The following PHLPP1 variants were observed in gnomAD, a reference collection of about 807,000 sequenced individuals.
PHLPP1 encodes PH domain leucine-rich repeat-containing protein phosphatase 1.
In PHLPP1, 42 loss-of-function variants were observed where a neutral mutation model predicts 117.2. The ratio of observed to expected loss-of-function variants is 0.36; its 90% CI spans 0.28 to 0.46. The LOEUF (loss-of-function observed/expected upper bound fraction) is 0.46. PHLPP1 is among the 20% of genes least tolerant of loss of function. The pLI is 1.00. For missense variants in PHLPP1, 2,084 were observed against 2,241.9 expected, an observed-to-expected ratio of 0.93 and a Z score of 1.42; for synonymous variants, 1,042 against 970.7, an observed-to-expected ratio of 1.07 and a Z score of -1.37.
intron 1 of PHLPP1, 54 bp downstream of exon 1, chr18:62,717,313 G>T: frequency 7.9e-6 from 12 of 1,519,586 alleles, no homozygotes; most frequent in Non-Finnish European, 1.1e-5. Context: ...GAGGACCGAG[G>T]AGTGATTCAA....
chr18:62,896,836 A>G (rs765157392), intron 6 of PHLPP1, among the ~76,000 whole-genome samples: 26 of 152,148 alleles, frequency 1.7e-4, no homozygotes, highest in Non-Finnish European at 3.2e-4. Flanking sequence ...CCAGTCCCAT[A>G]AAGAATTGCT....
At chr18:62,862,864 T>C (rs1915666545) in intron 4 of PHLPP1, among the ~76,000 whole-genome samples, 1 of 152,202 alleles carries the variant, frequency 6.6e-6, no homozygotes, top group Admixed American at 6.5e-5. Flanking sequence ...TTAAAGAATA[T>C]TTTTACTGTT....
Position 62,716,139 on chromosome 18 carries a change from C to T in PHLPP1, c.456C>T (p.Pro152=), listed in dbSNP as rs776789100. ...CGGCCGCTGCTGCCTCGCACTCCCCCGGCGCTGCCGGCCTCCCCGCCTCCT... is the reference window on the plus strand; with the variant it reads ...CGGCCGCTGCTGCCTCGCACTCCCCTGGCGCTGCCGGCCTCCCCGCCTCCT... The part of the protein sequence containing the change: ...SSSAAAASHS[P]GAAGLPASCS... Residue 152 remains proline, a synonymous_variant, in exon 1 of 17, where the codon CCC becomes CCT. Coordinates refer to ENST00000262719, the MANE Select transcript of PHLPP1 (RefSeq NM_194449.4). The surrounding 1 kb of genome is among the most constrained non-coding windows in gnomAD (Gnocchi z 5.7). 63 of 1,518,096 alleles carry T rather than the reference C, an allele frequency of 4.1e-5. No individual in the cohort carries two copies. The highest frequency in any genetic ancestry group is 7.0e-6 in the Non-Finnish European group (8 of 1,139,356). 94.0% of individuals were successfully genotyped at this position (1,518,096 alleles called of 1,614,324 possible).
rs117985601 is a variant in PHLPP1, at chr18:62,947,693, C to A, written c.3324+2422C>A. 8.5e-5 allele frequency among the ~76,000 whole-genome samples: 13 copies of A among 152,250 alleles called. 1 individual carries two copies. In the East Asian group the frequency reaches 2.5e-3, roughly 29 times the overall value. On this transcript the variant is annotated intron_variant, in intron 12 of 16. Coordinates refer to ENST00000262719, the MANE Select transcript of PHLPP1 (RefSeq NM_194449.4). The stretch of plus-strand genomic sequence containing the variant: ...AAACTCTTAAATGTAGATTTAGATT[C>A]TTGTTTTGGGGTTCTTTGTTTGTTT...
At chr18:62,811,334 T>C (rs573786556) in intron 1 of PHLPP1, among the ~76,000 whole-genome samples, 91 of 152,306 alleles carry the variant, frequency 6.0e-4, no homozygotes, top group African/African-American at 2.2e-3. Context: ...TGATAACTTA[T>C]GGAATATTTT....
chr18:62,787,021 G>A (rs947606530), intron 1 of PHLPP1, among the ~76,000 whole-genome samples: 2 of 152,082 alleles, frequency 1.3e-5, no homozygotes, highest in Non-Finnish European at 2.9e-5. Flanking sequence ...AAGCGTGCAT[G>A]CATTCATTCA....
At chr18:62,785,719 C>T (rs764677183) in intron 1 of PHLPP1, among the ~76,000 whole-genome samples, 10 of 152,242 alleles carry the variant, frequency 6.6e-5, no homozygotes, top group East Asian at 1.9e-4. Flanking sequence ...CGGGTCATTA[C>T]CGTTCATGCT....
chr18:62,874,671 AC>A (rs1659737223), intron 4 of PHLPP1, among the ~76,000 whole-genome samples: 1 of 151,138 alleles, frequency 6.6e-6, no homozygotes. Context: ...ACACACACAC[AC>A]ACACACACAC....
intron 1 of PHLPP1, among the ~76,000 whole-genome samples, chr18:62,718,303 G>T (rs1188045002): frequency 6.6e-6 from 1 of 152,190 alleles, no homozygotes; most frequent in Non-Finnish European, 1.5e-5. Context: ...TACGTTTTTA[G>T]GTTGTAGGTG....
At chr18:62,960,965 G>A (rs564638342) in intron 13 of PHLPP1, among the ~76,000 whole-genome samples, 3 of 152,308 alleles carry the variant, frequency 2.0e-5, no homozygotes, top group South Asian at 4.1e-4. Context: ...TCTTCTGTGA[G>A]ATTGAGCTGT....
At chr18:62,874,184 CAAA>C (rs779092532) in intron 4 of PHLPP1, among the ~76,000 whole-genome samples, 4 of 63,206 alleles carry the variant, frequency 6.3e-5, no homozygotes, top group East Asian at 4.2e-4. Context: ...AACTCTGTCT[CAAA>C]AAAAAAAAAA....
chr18:62,919,163 C>G (rs1413064561), intron 9 of PHLPP1, among the ~76,000 whole-genome samples: 1 of 152,088 alleles, frequency 6.6e-6, no homozygotes, highest in African/African-American at 2.4e-5. Context: ...CACTTTTCCC[C>G]ACCCCCCAGA....
At chr18:62,874,002 G>A (rs1448662736) in intron 4 of PHLPP1, among the ~76,000 whole-genome samples, 2 of 149,684 alleles carry the variant, frequency 1.3e-5, no homozygotes, top group Admixed American at 6.7e-5. Flanking sequence ...GACCAACACA[G>A]TGAAACCCCG....
At chr18:62,807,297 A>G (rs1302478400) in intron 1 of PHLPP1, among the ~76,000 whole-genome samples, 1 of 152,176 alleles carries the variant, frequency 6.6e-6, no homozygotes, top group Non-Finnish European at 1.5e-5. Context: ...ATTTTCTATT[A>G]ATTGTAATTA....
chr18:62,915,069 G>C, intron 9 of PHLPP1, 61 bp downstream of exon 9: 1 of 1,210,720 alleles, frequency 8.3e-7, no homozygotes, highest in Non-Finnish European at 1.2e-6. Flanking sequence ...AAAAATTGCT[G>C]ATTCAGTGTT....
chr18:62,822,624 C>T (rs1027859838), intron 1 of PHLPP1, among the ~76,000 whole-genome samples: 2 of 152,006 alleles, frequency 1.3e-5, no homozygotes, highest in African/African-American at 2.4e-5. Context: ...AATGCCTCCC[C>T]CTTAAGATCA....
chr18:62,814,240 A>G lies in PHLPP1; in HGVS notation c.1577-15795A>G, dbSNP rs562178008. ...AGTTGACTTCATATATTTTGATCTG[A>G]TGCATAAATTAACCCTCCCAAATCT... is the stretch of plus-strand genomic sequence containing the variant. On this transcript the variant is annotated intron_variant, in intron 1 of 16. Transcript: ENST00000262719. Among the ~76,000 whole-genome samples the G allele has an allele frequency of 2.6e-5, 4 of 152,318 alleles. No individual in the cohort carries two copies. The East Asian group carries it at 7.7e-4, about 29-fold the overall frequency.
At chr18:62,812,365 T>C (rs1021393572) in intron 1 of PHLPP1, among the ~76,000 whole-genome samples, 12 of 152,188 alleles carry the variant, frequency 7.9e-5, no homozygotes, top group Admixed American at 7.9e-4. Context: ...GTTGGAGCTG[T>C]GGAGCTGTCT....
In PHLPP1 at chr18:62,935,836, T is replaced by G. The variant is rs188764396; in HGVS notation, c.2961-5882T>G. Among the ~76,000 whole-genome samples, 1,457 of 152,158 alleles carry G rather than the reference T, an allele frequency of 9.6e-3. 16 individuals carry two copies. The highest frequency in any genetic ancestry group is 0.033 in the African/African-American group (1,352 of 41,516). ...CTGGCCAGTGTGGCAAAACCCCGTC[T>G]CTACTAAAAATACAAAAATTAGCCG... On this transcript the variant is annotated intron_variant, in intron 10 of 16. Transcript: ENST00000262719.
Sources: allele counts gnomAD v4.1 joint callset (sites outside exome capture counted in the v4.1 genomes callset), GRCh38; gene constraint gnomAD v4.1.1; non-coding constraint Gnocchi (gnomAD v3.1); transcripts MANE v1.5; gene names NCBI Gene and HGNC (gene_info 2026-07-23, HGNC 2026-07-21).